The following RBFOX1 variants were observed in gnomAD, a reference collection of about 807,000 sequenced individuals.
The protein encoded by RBFOX1 is RNA binding protein fox-1 homolog 1.
In RBFOX1, 8 loss-of-function variants were observed where a neutral mutation model predicts 57.7. The ratio of observed to expected loss-of-function variants is 0.14; its 90% confidence interval spans 0.08 to 0.25. The LOEUF is 0.25. RBFOX1 is among the 10% of genes least tolerant of loss of function. The pLI is 1.00. For missense variants in RBFOX1, 611 were observed against 548.5 expected, an observed-to-expected ratio of 1.11 and a Z score of -1.14; for synonymous variants, 326 against 222.4, an observed-to-expected ratio of 1.47 and a Z score of -4.15.
At chr16:7,441,503 C>G (rs1222949478) in intron 4 of RBFOX1, among the ~76,000 whole-genome samples, 2 of 152,158 alleles carry the variant, frequency 1.3e-5, no homozygotes, top group Non-Finnish European at 2.9e-5. Context: ...AAAACTAAAA[C>G]TGGTATCTGT....
chr16:7,285,756 A>G (rs1049650551), intron 4 of RBFOX1, among the ~76,000 whole-genome samples: 1 of 152,198 alleles, frequency 6.6e-6, no homozygotes, highest in African/African-American at 2.4e-5. Context: ...GTATGGATGT[A>G]CCACAGTTTG....
chr16:6,751,211 G>A (rs1236444346), intron 3 of RBFOX1, among the ~76,000 whole-genome samples: 2 of 152,126 alleles, frequency 1.3e-5, no homozygotes, highest in South Asian at 2.1e-4. Context: ...AAGGACAAGG[G>A]TATTGAGCTC....
rs60749168 is a variant in RBFOX1, at chr16:5,944,790, T to TAAAA, written c.351+77471_351+77474dup. ...CAACTTGGTGAAACCCTGTCTCTGC[T>TAAAA]AAAAAAAAAAAAAAAAAAATTAGCT... On this transcript the variant is annotated intron_variant, in intron 4 of 19. Coordinates refer to the RBFOX1 transcript ENST00000641259. Among the ~76,000 whole-genome samples the TAAAA allele has an allele frequency of 2.1e-3, 86 of 41,260 alleles. 12 individuals carry two copies. Among genetic ancestry groups the TAAAA allele is most frequent in the African/African-American group, 8.5e-3 (83 of 9,746 alleles). 27.1% of individuals were successfully genotyped at this position (41,260 alleles called of 152,430 possible). A position where few individuals can be genotyped will look rare whatever the true frequency, so the allele number is the denominator to read the frequency against.
rs547553417 is a variant in RBFOX1, at chr16:7,229,996, G to A, written c.27+177898G>A. Among the ~76,000 whole-genome samples the A allele has an allele frequency of 9.6e-4, 103 of 107,690 alleles. 4 individuals are homozygous for A. The highest frequency in any genetic ancestry group is 4.0e-3 in the African/African-American group (92 of 23,004). 70.6% of individuals were successfully genotyped at this position (107,690 alleles called of 152,430 possible). A position where few individuals can be genotyped will look rare whatever the true frequency, so the allele number is the denominator to read the frequency against. On this transcript the variant is annotated intron_variant, in intron 4 of 15. Coordinates refer to ENST00000550418, the MANE Select transcript of RBFOX1 (RefSeq NM_018723.4). ...AGAGAGGGAGGAAGGGAGAGAGAGGGAGGAAGGGAGAGAGAGGGAGGAAGA... is the reference window on the plus strand; with the variant it reads ...AGAGAGGGAGGAAGGGAGAGAGAGGAAGGAAGGGAGAGAGAGGGAGGAAGA...
intron 4 of RBFOX1, among the ~76,000 whole-genome samples, chr16:7,412,920 C>T (rs868408676): frequency 1.2e-4 from 18 of 152,120 alleles, no homozygotes; most frequent in East Asian, 1.2e-3. Flanking sequence ...TGGGCGCCTG[C>T]AGTCCCAGCT....
chr16:5,847,089 C>T (rs1172642939), intron 3 of RBFOX1, among the ~76,000 whole-genome samples: 4 of 152,032 alleles, frequency 2.6e-5, no homozygotes, highest in Non-Finnish European at 4.4e-5. Flanking sequence ...TAGGGAATTC[C>T]GAAGTGGCTG....
At chr16:5,951,878 G>T (rs1171097107) in intron 4 of RBFOX1, among the ~76,000 whole-genome samples, 1 of 151,858 alleles carries the variant, frequency 6.6e-6, no homozygotes, top group Non-Finnish European at 1.5e-5. Flanking sequence ...ATATGTGTTT[G>T]TGTGTGTATA....
intron 4 of RBFOX1, among the ~76,000 whole-genome samples, chr16:7,300,018 T>C (rs749205310): frequency 1.3e-5 from 2 of 152,206 alleles, no homozygotes; most frequent in Non-Finnish European, 2.9e-5. Context: ...AGGAGCGGGA[T>C]GCAAGAGGGG....
chr16:6,757,457 C>G (rs2075979304), intron 3 of RBFOX1, among the ~76,000 whole-genome samples: 1 of 152,158 alleles, frequency 6.6e-6, no homozygotes, highest in Admixed American at 6.5e-5. Context: ...GAATACTATT[C>G]AGCCCTGAAA....
chr16:7,687,025 C>A (rs193171338), intron 14 of RBFOX1, among the ~76,000 whole-genome samples: 1 of 152,044 alleles, frequency 6.6e-6, no homozygotes, highest in Admixed American at 6.6e-5. Context: ...GCAATAGGAA[C>A]TGTGTCTAAA....
At chr16:6,760,066 G>A (rs1032895674) in intron 3 of RBFOX1, among the ~76,000 whole-genome samples, 4 of 152,094 alleles carry the variant, frequency 2.6e-5, no homozygotes, top group African/African-American at 4.8e-5. Context: ...CATATGGCTC[G>A]GGGAGTCCAA....
chr16:5,577,631 G>T (rs2046511116), intron 2 of RBFOX1, among the ~76,000 whole-genome samples: 1 of 152,128 alleles, frequency 6.6e-6, no homozygotes, highest in Non-Finnish European at 1.5e-5. Context: ...GGCCAGGTGT[G>T]GTCTCGAATG....
intron 2 of RBFOX1, among the ~76,000 whole-genome samples, chr16:5,507,581 G>C (rs1344696586): frequency 6.6e-6 from 1 of 152,202 alleles, no homozygotes; most frequent in African/African-American, 2.4e-5. Flanking sequence ...ATATGTTGAA[G>C]TCCTAACCCT....
intron 4 of RBFOX1, among the ~76,000 whole-genome samples, chr16:7,365,611 C>T (rs889492120): frequency 2.6e-5 from 4 of 152,152 alleles, no homozygotes; most frequent in Non-Finnish European, 5.9e-5. Context: ...TTTGCCAAGG[C>T]ACAGAATCTT....
At chr16:6,559,706 C>A (rs138167851) in intron 2 of RBFOX1, among the ~76,000 whole-genome samples, 1 of 152,004 alleles carries the variant, frequency 6.6e-6, no homozygotes, top group African/African-American at 2.4e-5. Context: ...ATATATATCC[C>A]TCTATAATCT....
At chr16:5,717,161 CAGA>C (rs2151522569) in intron 3 of RBFOX1, among the ~76,000 whole-genome samples, 1 of 152,218 alleles carries the variant, frequency 6.6e-6, no homozygotes, top group East Asian at 1.9e-4. Context: ...ATGAATCCAG[CAGA>C]AAAGTCAAAG....
At chr16:7,264,957 C>G (rs2095070150) in intron 4 of RBFOX1, among the ~76,000 whole-genome samples, 1 of 152,208 alleles carries the variant, frequency 6.6e-6, no homozygotes, top group Admixed American at 6.5e-5. Flanking sequence ...TCTTCCATGA[C>G]TCAATGCCAC....
intron 2 of RBFOX1, among the ~76,000 whole-genome samples, chr16:6,507,822 G>GGGGGAAT (rs1191276235): frequency 6.6e-6 from 1 of 151,944 alleles, no homozygotes; most frequent in Admixed American, 6.6e-5. Context: ...CTAGAAGGAG[G>GGGGGAAT]GGGGAATGGG....
intron 3 of RBFOX1, among the ~76,000 whole-genome samples, chr16:5,848,438 A>G (rs1266464167): frequency 6.6e-6 from 1 of 152,164 alleles, no homozygotes; most frequent in Non-Finnish European, 1.5e-5. Context: ...CCATCTGAAA[A>G]ATAAACACAC....
Sources: gnomAD v4.1 joint callset for allele counts (sites outside exome capture counted in the v4.1 genomes callset) on GRCh38, gnomAD v4.1.1 for gene constraint, MANE v1.5 for transcripts, NCBI Gene and HGNC (gene_info 2026-07-23, HGNC 2026-07-21) for gene names.